Variants in ADCY10 observed in about 807,000 individuals in gnomAD.
ADCY10 encodes adenylate cyclase type 10.
Under a neutral mutation model 183.3 loss-of-function variants are expected in ADCY10, and 156 were observed. The ratio of observed to expected loss-of-function variants is 0.85; its 90% CI spans 0.75 to 0.97. The LOEUF (loss-of-function observed/expected upper bound fraction) is 0.97. Ranked by LOEUF, ADCY10 falls within the 50% of genes least tolerant of loss-of-function variation. The probability of loss-of-function intolerance (pLI) is 0.00; values close to 1 mark genes in which losing one functional copy is unlikely to be tolerated. For missense variants in ADCY10, 1,745 were observed against 1,934.3 expected (o/e 0.90, Z 1.84); for synonymous variants, 645 against 670.0 (o/e 0.96, Z 0.58).
At chr1:167,913,576 T>C (rs1670286767) in intron 1 of ADCY10, among the ~76,000 whole-genome samples, 1 of 152,246 alleles carries the variant, frequency 6.6e-6, no homozygotes, top group South Asian at 2.1e-4. Context: ...TGCTTCTATT[T>C]TGTCTTCATC....
At chr1:167,899,782 C>T (rs1669263591) in intron 5 of ADCY10, among the ~76,000 whole-genome samples, 154 bp from the exon 6 acceptor site, 1 of 152,224 alleles carries the variant, frequency 6.6e-6, no homozygotes, top group Non-Finnish European at 1.5e-5. Context: ...TGGCATACCT[C>T]TTTTGGGCTC....
chr1:167,847,883 G>A (rs972513146), intron 19 of ADCY10, among the ~76,000 whole-genome samples: 1 of 152,158 alleles, frequency 6.6e-6, no homozygotes, highest in Non-Finnish European at 1.5e-5. Flanking sequence ...AATATACACA[G>A]GGGGAAAGAT....
At chr1:167,850,749 A>C (rs893640695) in intron 18 of ADCY10, among the ~76,000 whole-genome samples, 3 of 150,764 alleles carry the variant, frequency 2.0e-5, no homozygotes, top group African/African-American at 4.9e-5. Flanking sequence ...GACGTGGTCC[A>C]TGCTATTTTA....
rs1244282771 is a variant in ADCY10, at chr1:167,899,435, C to T, written c.630G>A (p.Gln210=). The stretch of plus-strand genomic sequence containing the variant: ...GCATCACACCCACCTTAACTGCTCT[C>T]TGATCTGGAACACTCTCAATTTCAA... ...SMIEIESVPD[Q]RAVKVNFLKP... is the part of the protein sequence containing the mutation. Residue 210 remains glutamine, a synonymous_variant, in exon 6 of 33, where the codon CAG becomes CAA. Transcript: ENST00000367851. 6.2e-7 allele frequency: 1 copy of T among 1,614,244 alleles called. No individual in the cohort carries two copies. Among genetic ancestry groups the T allele is most frequent in the Admixed American group, 1.7e-5 (1 of 60,032 alleles).
At chr1:167,837,104 T>C (rs1664265992) in intron 22 of ADCY10, 145 bp downstream of exon 22, 4 of 726,210 alleles carry the variant, frequency 5.5e-6, no homozygotes, top group Admixed American at 4.0e-5. Context: ...TACTACTGAC[T>C]AAACTCACCA....
rs1457399079 is a variant in ADCY10 at position 167,878,581 on chromosome 1, A to G, written c.1271T>C (p.Ile424Thr). ...AARMMMYYPG[I>T]VTCDSVTYNG... ...GTAGGTGACAGAGTCGCAGGTCACA[A>G]TTCCTGGGTAGTACATCATCATCCT... Residue 424 changes from isoleucine to threonine, a missense_variant, in exon 12 of 33, where the codon ATT (isoleucine) becomes ACT (threonine). Transcript: ENST00000367851. The G allele has an allele frequency of 6.2e-7, 1 of 1,614,184 alleles. No individual in the cohort carries two copies. The highest frequency in any genetic ancestry group is 8.5e-7 in the Non-Finnish European group (1 of 1,180,030).
chr1:167,875,432 G>A (rs1473397904), intron 12 of ADCY10, among the ~76,000 whole-genome samples: 3 of 141,792 alleles, frequency 2.1e-5, no homozygotes, highest in African/African-American at 8.1e-5. Flanking sequence ...AATAAATGCT[G>A]TTGAGTCTGC....
intron 26 of ADCY10, among the ~76,000 whole-genome samples, chr1:167,827,718 A>C (rs7518626): frequency 8.3e-6 from 1 of 120,356 alleles, no homozygotes; most frequent in African/African-American, 3.2e-5. Flanking sequence ...AAAAAAAAAA[A>C]ATTTTTTTTT....
chr1:167,905,600 A>G (rs1325607169), intron 1 of ADCY10, among the ~76,000 whole-genome samples: 1 of 105,504 alleles, frequency 9.5e-6, no homozygotes, highest in Non-Finnish European at 1.9e-5. Context: ...TTCTCTCTTT[A>G]AAAAAAAAAA....
chr1:167,809,835 G>T lies in ADCY10; in HGVS notation c.4676C>A (p.Ser1559Ter). Reference protein sequence around the residue: ...EKCWLNMNKESWYSTSELKED... With the variant: ...EKCWLNMNKE ...TTTTAACTCAGAGGTTGAGTACCAT[G>T]ATTCCTGAGAGGAAAGAAACAGAAC... The change falls in exon 33 of 33, where the codon TCA becomes TAA. Residue 1559 changes from serine (S) to a stop codon, truncating the protein, a stop_gained. Transcript: ENST00000367851. LOFTEE classifies it low-confidence loss of function (END_TRUNC). The T allele has an allele frequency of 1.2e-6, 2 of 1,614,004 alleles. No homozygotes were observed. Among genetic ancestry groups the T allele is most frequent in the South Asian group, 1.1e-5 (1 of 91,072 alleles).
chr1:167,893,270 T>C (rs1668722527), intron 8 of ADCY10, among the ~76,000 whole-genome samples: 1 of 152,208 alleles, frequency 6.6e-6, no homozygotes, highest in African/African-American at 2.4e-5. Context: ...CGCATGTTCT[T>C]ATATGCTTGC....
chr1:167,813,042 G>A (rs893816206), intron 31 of ADCY10, among the ~76,000 whole-genome samples: 1 of 152,076 alleles, frequency 6.6e-6, no homozygotes, highest in African/African-American at 2.4e-5. Context: ...ATGCATTGTG[G>A]AAGTCCCTGA....
intron 19 of ADCY10, among the ~76,000 whole-genome samples, chr1:167,848,057 A>C (rs928002063): frequency 7.2e-5 from 11 of 151,848 alleles, no homozygotes; most frequent in Non-Finnish European, 1.5e-5. Context: ...AATAAATACC[A>C]GGTCAGATTT....
chr1:167,901,529 C>G, intron 5 of ADCY10, 133 bp downstream of exon 5: 1 of 936,920 alleles, frequency 1.1e-6, no homozygotes, highest in East Asian at 2.4e-5. Flanking sequence ...TCTGATTGTC[C>G]TGATGCCAAA....
chr1:167,818,832 C>G (rs1662693633), intron 30 of ADCY10, among the ~76,000 whole-genome samples: 1 of 152,190 alleles, frequency 6.6e-6, no homozygotes, highest in African/African-American at 2.4e-5. Flanking sequence ...GCCACCATGC[C>G]CGGCCACTTT....
At chr1:167,809,964 C>G in intron 32 of ADCY10, 125 bp from the exon 33 acceptor site, 1 of 939,192 alleles carries the variant, frequency 1.1e-6, no homozygotes, top group Non-Finnish European at 1.7e-6. Flanking sequence ...TAGACAAAAA[C>G]GAATCTTGCT....
intron 18 of ADCY10, among the ~76,000 whole-genome samples, chr1:167,849,227 T>C (rs1386663240): frequency 6.6e-6 from 1 of 152,198 alleles, no homozygotes; most frequent in African/African-American, 2.4e-5. Flanking sequence ...TACAAACACA[T>C]TCTGTGAGGC....
intron 21 of ADCY10, among the ~76,000 whole-genome samples, chr1:167,845,062 C>T (rs758443471): frequency 1.3e-5 from 2 of 152,172 alleles, no homozygotes; most frequent in Non-Finnish European, 2.9e-5. Context: ...TTTGCTTCTC[C>T]GATGGTCTTG....
chr1:167,883,183 A>T (rs1166499803), intron 9 of ADCY10, among the ~76,000 whole-genome samples: 1 of 152,216 alleles, frequency 6.6e-6, no homozygotes, highest in African/African-American at 2.4e-5. Context: ...GATTACAGGC[A>T]CGTGCCACCG....
Sources: allele counts gnomAD v4.1 joint callset (sites outside exome capture counted in the v4.1 genomes callset), GRCh38; gene constraint gnomAD v4.1.1; transcripts MANE v1.5; gene names NCBI Gene and HGNC (gene_info 2026-07-23, HGNC 2026-07-21).